PPP4R4: variants seen among roughly 807,000 people sequenced by gnomAD.
The protein encoded by PPP4R4 is serine/threonine-protein phosphatase 4 regulatory subunit 4.
PPP4R4 carries 70 observed loss-of-function variants against 121.8 expected under a neutral mutation model. That is an observed-to-expected ratio of 0.57 (90% confidence interval 0.47 to 0.70). PPP4R4 has a LOEUF of 0.70. Ranked by LOEUF, PPP4R4 falls within the 30% of genes least tolerant of loss-of-function variation. The pLI is 0.00. For synonymous variants in PPP4R4, 348 were observed against 355.7 expected, an observed-to-expected ratio of 0.98 and a Z score of 0.24; for missense variants, 875 against 1,033.6, an observed-to-expected ratio of 0.85 and a Z score of 2.10.
intron 2 of PPP4R4, among the ~76,000 whole-genome samples, chr14:94,193,024 T>C (rs1889683494): frequency 6.6e-6 from 1 of 152,200 alleles, no homozygotes; most frequent in African/African-American, 2.4e-5. Flanking sequence ...AGCCTCATTT[T>C]GAGAGATCAA....
At chr14:94,245,477 AT>A in intron 12 of PPP4R4, 109 bp from the exon 13 acceptor site, 1 of 517,424 alleles carries the variant, frequency 1.9e-6, no homozygotes, top group Non-Finnish European at 3.3e-6. Flanking sequence ...TCAAAATGTT[AT>A]TTGGGGGAAA....
At chr14:94,230,388 T>A (rs1414426197) in intron 3 of PPP4R4, among the ~76,000 whole-genome samples, 199 bp from the exon 4 acceptor site, 1 of 152,226 alleles carries the variant, frequency 6.6e-6, no homozygotes, top group African/African-American at 2.4e-5. Context: ...CCTAAGACAC[T>A]TAAATTTTAT....
chr14:94,265,805 A>C lies in PPP4R4; in HGVS notation c.2296A>C (p.Lys766Gln). 3.1e-6 allele frequency: 5 copies of C among 1,602,702 alleles called. No individual in the cohort carries two copies. The South Asian group carries it at 4.5e-5, about 14-fold the overall frequency. ...GCTTATTGCTCTAGGTAAAGAAATC[A>C]AGAAATCCAAACTGATTCGAAGCCA... is the stretch of plus-strand genomic sequence containing the variant. ...SVTPSTSKEI[K>Q]KSKLIRSQSF... Residue 766 changes from lysine to glutamine, a missense_variant, in exon 22 of 25, where the codon AAG (lysine) becomes CAG (glutamine). Coordinates refer to ENST00000304338, the MANE Select transcript of PPP4R4 (RefSeq NM_058237.2).
In PPP4R4 at chr14:94,237,561, G is replaced by T. The variant is rs148831396; in HGVS notation, c.732-4G>T. The T allele has an allele frequency of 1.1e-4, 169 of 1,609,064 alleles. No homozygotes were observed. In the East Asian group the frequency reaches 3.2e-3, roughly 30 times the overall value. ...TTTATTTTCTTCTATTGCTTATTGT[G>T]CAGGACAGAACTTACAAAAAGTGTG... is the stretch of plus-strand genomic sequence containing the variant. On this transcript the variant is annotated splice_region_variant and splice_polypyrimidine_tract_variant and intron_variant, in intron 7 of 24. Coordinates refer to ENST00000304338, the MANE Select transcript of PPP4R4 (RefSeq NM_058237.2).
At chr14:94,176,734 T>C (rs1378692141) in intron 2 of PPP4R4, among the ~76,000 whole-genome samples, 1 of 152,242 alleles carries the variant, frequency 6.6e-6, no homozygotes, top group African/African-American at 2.4e-5. Context: ...ATTTAAAACA[T>C]TGTCTTGTAG....
intron 19 of PPP4R4, among the ~76,000 whole-genome samples, chr14:94,264,599 AT>A (rs1893941908): frequency 1.3e-5 from 2 of 152,176 alleles, no homozygotes; most frequent in Non-Finnish European, 2.9e-5. Context: ...TGCTAATGTG[AT>A]TTAGGAAATA....
At chr14:94,229,633 A>G (rs1236459221) in intron 3 of PPP4R4, among the ~76,000 whole-genome samples, 1 of 152,220 alleles carries the variant, frequency 6.6e-6, no homozygotes, top group Non-Finnish European at 1.5e-5. Context: ...AGATGTTGCT[A>G]TAATTCACAT....
intron 14 of PPP4R4, among the ~76,000 whole-genome samples, chr14:94,248,944 A>G (rs574385821): frequency 6.6e-6 from 1 of 151,976 alleles, no homozygotes; most frequent in South Asian, 2.1e-4. Context: ...TTTTAGATAA[A>G]TGTTATTGCA....
rs959602269 is a variant in PPP4R4, at chr14:94,279,309, T to C, written c.*666T>C. On this transcript the variant is annotated 3_prime_UTR_variant, in exon 25 of 25. Transcript: ENST00000304338. ...AATAATAGATTGATGATTTTCTTTATTTCCTAGAGAATTTATTTTATAAAT... is the reference window on the plus strand; with the variant it reads ...AATAATAGATTGATGATTTTCTTTACTTCCTAGAGAATTTATTTTATAAAT... 3.9e-5 allele frequency: 6 copies of C among 152,660 alleles called. No homozygotes were observed. Among genetic ancestry groups the C allele is most frequent in the Non-Finnish European group, 8.8e-5 (6 of 68,052 alleles). The allele number at this position is 152,660 out of a possible 1,614,324, so 9.5% of individuals were successfully genotyped here.
chr14:94,256,513 C>A lies in PPP4R4; in HGVS notation c.1919C>A (p.Ala640Asp). The A allele has an allele frequency of 6.2e-7, 1 of 1,602,958 alleles. No homozygotes were observed. Reference protein sequence around the residue: ...PKVKSTLKIPADKHLLQQLEM... With the variant: ...PKVKSTLKIPDDKHLLQQLEM... ...GTGAAATCTACTCTGAAGATTCCTGCTGATAAGCATCTACTTCAGCAGTTA... is the reference window on the plus strand; with the variant it reads ...GTGAAATCTACTCTGAAGATTCCTGATGATAAGCATCTACTTCAGCAGTTA... Residue 640 changes from alanine (A) to aspartate (D), a missense_variant, in exon 17 of 25, where the codon GCT becomes GAT. Physicochemically the swap from Ala to Asp is moderately radical, Grantham distance 126 (BLOSUM62 -2). Transcript: ENST00000304338.
rs770651122 is a variant in PPP4R4 at position 94,174,447 on chromosome 14, CGA to C, written c.-15_-14del. The C allele has an allele frequency of 4.5e-6, 7 of 1,561,850 alleles. No homozygotes were observed. The highest frequency in any genetic ancestry group is 2.1e-4 in the Middle Eastern group (1 of 4,802). ...CCCGGGGCCGCTCCGGCCCGGGCGG[CGA>C]GAGTGCCCGGCGGTCCATGCATCCG... is the stretch of plus-strand genomic sequence containing the variant. On this transcript the variant is annotated 5_prime_UTR_variant, in exon 1 of 25. Transcript: ENST00000304338.
At chr14:94,265,498 CT>C (rs746532551) in intron 21 of PPP4R4, 25 bp downstream of exon 21, 4 of 1,558,776 alleles carry the variant, frequency 2.6e-6, no homozygotes, top group Non-Finnish European at 2.7e-6. Context: ...CTTTTTATAT[CT>C]TTTTGTAATT....
chr14:94,206,506 A>G (rs1301241363), intron 2 of PPP4R4, among the ~76,000 whole-genome samples: 4 of 151,514 alleles, frequency 2.6e-5, no homozygotes, highest in Non-Finnish European at 4.4e-5. Flanking sequence ...TTTATTTTTT[A>G]TTTGTTCTTT....
At chr14:94,273,123 A>T (rs1436101336) in intron 23 of PPP4R4, among the ~76,000 whole-genome samples, 1 of 152,198 alleles carries the variant, frequency 6.6e-6, no homozygotes, top group African/African-American at 2.4e-5. Context: ...ATGATCTAGC[A>T]GTTGTGCTCC....
chr14:94,230,569 C>T lies in PPP4R4; in HGVS notation c.295-18C>T, dbSNP rs767573109. On this transcript the variant is annotated intron_variant, in intron 3 of 24. Transcript: ENST00000304338. Reference sequence around the variant, plus strand: ...ATCTCTCATCTATGTAAATAGCAAACTCTTTCTGATTATACAGGAAGCCCT... The same window carrying T: ...ATCTCTCATCTATGTAAATAGCAAATTCTTTCTGATTATACAGGAAGCCCT... 2 of 1,595,570 alleles carry T rather than the reference C, an allele frequency of 1.3e-6. No homozygotes were observed. Among genetic ancestry groups the T allele is most frequent in the Non-Finnish European group, 1.7e-6 (2 of 1,168,534 alleles).
chr14:94,257,642 TACACACAC>T (rs57997995), intron 17 of PPP4R4, among the ~76,000 whole-genome samples: 17 of 146,946 alleles, frequency 1.2e-4, no homozygotes, highest in Admixed American at 2.7e-4. Flanking sequence ...CATTTAAATC[TACACACAC>T]ACACACACAC....
At chr14:94,210,978 T>C (rs558988649) in intron 3 of PPP4R4, among the ~76,000 whole-genome samples, 3 of 152,198 alleles carry the variant, frequency 2.0e-5, no homozygotes, top group Non-Finnish European at 4.4e-5. Context: ...CTTCTGTGAG[T>C]GTCTACTTTC....
At chr14:94,218,332 G>GCACA (rs150431024) in intron 3 of PPP4R4, among the ~76,000 whole-genome samples, 1 of 151,318 alleles carries the variant, frequency 6.6e-6, no homozygotes, top group Non-Finnish European at 1.5e-5. Context: ...GCGTGCGAGC[G>GCACA]CACACACACA....
intron 5 of PPP4R4, among the ~76,000 whole-genome samples, chr14:94,232,767 C>G (rs535692804): frequency 1.3e-5 from 2 of 151,842 alleles, no homozygotes; most frequent in South Asian, 4.2e-4. Context: ...TTAGAAATAG[C>G]GAGATTATGG....
Sources: gnomAD v4.1 joint callset for allele counts (sites outside exome capture counted in the v4.1 genomes callset) on GRCh38, gnomAD v4.1.1 for gene constraint, MANE v1.5 for transcripts, NCBI Gene and HGNC (gene_info 2026-07-23, HGNC 2026-07-21) for gene names.